Variants in EPB41L4A observed in about 807,000 individuals in gnomAD.
EPB41L4A encodes the protein band 4.1-like protein 4A.
EPB41L4A carries 100 observed loss-of-function variants against 108.6 expected under a neutral mutation model. The ratio of observed to expected loss-of-function variants is 0.92; its 90% CI spans 0.78 to 1.09. The LOEUF (loss-of-function observed/expected upper bound fraction) is 1.09. Ranked by LOEUF, EPB41L4A falls within the 50% of genes least tolerant of loss-of-function variation. The pLI is 0.00. For missense variants in EPB41L4A, 1,030 were observed against 842.7 expected (o/e 1.22, Z -2.75); for synonymous variants, 319 against 289.0 (o/e 1.10, Z -1.05).
At chr5:112,210,387 T>C (rs1215636159) in intron 12 of EPB41L4A, among the ~76,000 whole-genome samples, 3 of 152,184 alleles carry the variant, frequency 2.0e-5, no homozygotes, top group Admixed American at 1.3e-4. Flanking sequence ...AGTCCCCATT[T>C]GAAATCAAAC....
intron 9 of EPB41L4A, among the ~76,000 whole-genome samples, chr5:112,258,452 G>A (rs1316166780): frequency 1.3e-5 from 2 of 152,212 alleles, no homozygotes; most frequent in African/African-American, 4.8e-5. Flanking sequence ...AGACAGAAGA[G>A]TAGATTCTCC....
chr5:112,233,378 A>G (rs1749096585), intron 12 of EPB41L4A, among the ~76,000 whole-genome samples: 1 of 152,350 alleles, frequency 6.6e-6, no homozygotes, highest in South Asian at 2.1e-4. Context: ...CACTTTTGGG[A>G]TGCAGGCTAG....
chr5:112,170,361 A>C lies in EPB41L4A; in HGVS notation c.1679T>G (p.Leu560Arg). Reference sequence around the variant, plus strand: ...TTCGGACAATCCGGATGGATCCACAAGTTCTTTTCTGTAAAGGAATATGCA... The same window carrying C: ...TTCGGACAATCCGGATGGATCCACACGTTCTTTTCTGTAAAGGAATATGCA... The part of the protein sequence containing the change: ...EELWKHIQKE[L>R]VDPSGLSEEQ... Residue 560 changes from leucine to arginine, a missense_variant, in exon 20 of 23, where the codon CTT (leucine) becomes CGT (arginine). Transcript: ENST00000261486. 1 of 1,608,090 alleles carries C rather than the reference A, an allele frequency of 6.2e-7. No homozygotes were observed. Among genetic ancestry groups the C allele is most frequent in the Non-Finnish European group, 8.5e-7 (1 of 1,174,846 alleles).
chr5:112,319,531 C>T (rs1451756347), intron 1 of EPB41L4A, among the ~76,000 whole-genome samples: 1 of 151,924 alleles, frequency 6.6e-6, no homozygotes, highest in African/African-American at 2.4e-5. Flanking sequence ...AAGGATGAAC[C>T]AACAACAGCA....
intron 2 of EPB41L4A, among the ~76,000 whole-genome samples, chr5:112,298,677 G>T (rs1019824219): frequency 6.6e-6 from 1 of 151,958 alleles, no homozygotes; most frequent in African/African-American, 2.4e-5. Context: ...GAATGATTTA[G>T]GGAGGATTTC....
intron 1 of EPB41L4A, among the ~76,000 whole-genome samples, chr5:112,388,486 G>C (rs1760712613): frequency 6.6e-6 from 1 of 152,102 alleles, no homozygotes; most frequent in Non-Finnish European, 1.5e-5. Context: ...ATTTATAGTT[G>C]GTCACTTTCA....
At chr5:112,386,388 G>A in intron 1 of EPB41L4A, among the ~76,000 whole-genome samples, 1 of 152,058 alleles carries the variant, frequency 6.6e-6, no homozygotes, top group East Asian at 1.9e-4. Flanking sequence ...AATTAATAAT[G>A]TTGATTTCCA....
chr5:112,284,671 C>T (rs1268613839), intron 2 of EPB41L4A, among the ~76,000 whole-genome samples: 2 of 152,222 alleles, frequency 1.3e-5, no homozygotes, highest in Non-Finnish European at 2.9e-5. Context: ...CCACTCCTAA[C>T]ATACTGTATC....
At chr5:112,180,625 T>C (rs1761096702) in intron 18 of EPB41L4A, among the ~76,000 whole-genome samples, 1 of 147,622 alleles carries the variant, frequency 6.8e-6, no homozygotes, top group African/African-American at 2.5e-5. Context: ...ACTATCTTTG[T>C]GACCATGAGG....
At chr5:112,244,020 G>C (rs779347345) in intron 9 of EPB41L4A, among the ~76,000 whole-genome samples, 2 of 152,194 alleles carry the variant, frequency 1.3e-5, no homozygotes, top group Non-Finnish European at 2.9e-5. Context: ...AAGAGGCCTA[G>C]CTTTCAGCCT....
Position 112,240,790 on chromosome 5 carries a change from A to G in EPB41L4A, c.816T>C (p.Phe272=). Residue 272 remains phenylalanine, a synonymous_variant, in exon 10 of 23, where the codon TTT becomes TTC. Transcript: ENST00000261486. ...AAGCAGTTTTACTCCGAGCTTCAAA[A>G]AAGAATGAGGTTTCGTTACACTAAG... ...LGKDCNETSF[F]FEARSKTACK... The G allele has an allele frequency of 5.6e-6, 9 of 1,593,934 alleles. No individual in the cohort carries two copies. The highest frequency in any genetic ancestry group is 7.7e-6 in the Non-Finnish European group (9 of 1,174,220).
intron 1 of EPB41L4A, among the ~76,000 whole-genome samples, chr5:112,345,763 A>T (rs1017766709): frequency 1.7e-5 from 2 of 115,712 alleles, no homozygotes; most frequent in African/African-American, 6.5e-5. Flanking sequence ...GCATATATAT[A>T]TATACATATA....
At chr5:112,306,869 G>T (rs1161011706) in intron 2 of EPB41L4A, among the ~76,000 whole-genome samples, 2 of 151,938 alleles carry the variant, frequency 1.3e-5, no homozygotes, top group East Asian at 3.9e-4. Context: ...TAAAAGCTAA[G>T]TTGCCTTTAT....
intron 13 of EPB41L4A, chr5:112,143,959 T>C (rs1019740738): frequency 2.3e-6 from 1 of 428,484 alleles, no homozygotes; most frequent in African/African-American, 2.0e-5. Flanking sequence ...TAATAAATTA[T>C]GCTATGGCCA....
intron 1 of EPB41L4A, among the ~76,000 whole-genome samples, chr5:112,315,841 T>C (rs1172321107): frequency 1.3e-5 from 2 of 152,094 alleles, no homozygotes; most frequent in East Asian, 3.9e-4. Flanking sequence ...GAAGACTTGA[T>C]ATGAGACAGT....
chr5:112,188,637 G>A (rs1761539795), intron 17 of EPB41L4A, among the ~76,000 whole-genome samples: 1 of 152,084 alleles, frequency 6.6e-6, no homozygotes, highest in South Asian at 2.1e-4. Flanking sequence ...AGAAACCCTT[G>A]CATCTGCAGT....
intron 1 of EPB41L4A, among the ~76,000 whole-genome samples, chr5:112,311,324 T>A (rs910868063): frequency 2.0e-5 from 3 of 152,142 alleles, no homozygotes; most frequent in African/African-American, 7.2e-5. Flanking sequence ...AATATCATGA[T>A]GAATACAAAA....
At chr5:112,264,863 T>A (rs1012924474) in intron 6 of EPB41L4A, 33 bp downstream of exon 6, 1 of 1,594,508 alleles carries the variant, frequency 6.3e-7, no homozygotes, top group Admixed American at 1.8e-5. Flanking sequence ...GACTGATGGA[T>A]GATGCAATAA....
At chr5:112,282,130 G>C (rs1203353086) in intron 2 of EPB41L4A, among the ~76,000 whole-genome samples, 2 of 152,160 alleles carry the variant, frequency 1.3e-5, no homozygotes, top group Admixed American at 6.5e-5. Flanking sequence ...AAATGCTCTT[G>C]GAGCCCACAG....
Sources: gnomAD v4.1 joint callset for allele counts (sites outside exome capture counted in the v4.1 genomes callset) on GRCh38, gnomAD v4.1.1 for gene constraint, MANE v1.5 for transcripts, NCBI Gene and HGNC (gene_info 2026-07-23, HGNC 2026-07-21) for gene names.